Variants in DGKI observed in about 807,000 individuals in gnomAD.
DGKI encodes the protein DAG kinase iota.
DGKI carries 55 observed loss-of-function variants against 147.5 expected under a neutral mutation model. The observed-to-expected ratio is 0.37, with a 90% CI of 0.30 to 0.47. The LOEUF (loss-of-function observed/expected upper bound fraction) is 0.47. Ranked by LOEUF, DGKI falls within the 20% of genes least tolerant of loss-of-function variation. The probability of loss-of-function intolerance (pLI) is 1.00; values close to 1 mark genes in which losing one functional copy is unlikely to be tolerated. For missense variants in DGKI, 1,007 were observed against 1,323.8 expected (o/e 0.76, Z 3.71); for synonymous variants, 469 against 477.1 (o/e 0.98, Z 0.22).
At chr7:137,675,775 T>G (rs147567218) in intron 3 of DGKI, among the ~76,000 whole-genome samples, 2 of 149,048 alleles carry the variant, frequency 1.3e-5, no homozygotes, top group African/African-American at 2.5e-5. Context: ...GAAACAGGAG[T>G]GTGCATTGTT....
intron 1 of DGKI, among the ~76,000 whole-genome samples, chr7:137,759,064 A>G (rs1055432191): frequency 6.6e-6 from 1 of 152,124 alleles, no homozygotes; most frequent in African/African-American, 2.4e-5. Context: ...CATTACCCAA[A>G]CAGTGAACAT....
chr7:137,531,648 C>T (rs1339409011), intron 20 of DGKI, among the ~76,000 whole-genome samples: 2 of 152,160 alleles, frequency 1.3e-5, no homozygotes, highest in Non-Finnish European at 2.9e-5. Flanking sequence ...AGAGGGATCT[C>T]TTAAACTTAA....
intron 1 of DGKI, among the ~76,000 whole-genome samples, chr7:137,809,867 G>A (rs1160845863): frequency 1.3e-5 from 2 of 151,680 alleles, no homozygotes; most frequent in Non-Finnish European, 2.9e-5. Flanking sequence ...TCGCACCACT[G>A]CACTCTAGCC....
intron 23 of DGKI, among the ~76,000 whole-genome samples, chr7:137,471,894 T>C (rs1196538359): frequency 2.1e-5 from 3 of 145,616 alleles, no homozygotes; most frequent in Non-Finnish European, 4.5e-5. Flanking sequence ...ATATGTTACA[T>C]ATAGTCTCTC....
At chr7:137,777,077 T>C (rs191088030) in intron 1 of DGKI, among the ~76,000 whole-genome samples, 30 of 152,062 alleles carry the variant, frequency 2.0e-4, no homozygotes, top group Admixed American at 1.7e-3. Context: ...CCTGTAGTCC[T>C]AGCTAACCAG....
chr7:137,842,419 G>A (rs1585559373), intron 1 of DGKI, among the ~76,000 whole-genome samples: 1 of 152,128 alleles, frequency 6.6e-6, no homozygotes, highest in Non-Finnish European at 1.5e-5. Flanking sequence ...AATACTCCTT[G>A]CTCCTATTTC....
intron 1 of DGKI, among the ~76,000 whole-genome samples, chr7:137,826,720 G>T (rs1275041919): frequency 1.3e-5 from 2 of 152,112 alleles, no homozygotes; most frequent in African/African-American, 4.8e-5. Context: ...CAGGGGGAAG[G>T]GGGCGGCGGG....
chr7:137,415,408 G>A (rs78291874), intron 28 of DGKI, among the ~76,000 whole-genome samples: 1 of 152,100 alleles, frequency 6.6e-6, no homozygotes. Flanking sequence ...ATGTGCAAAG[G>A]CTATATGCAA....
chr7:137,662,774 T>TAAAGACA (rs1322315182), intron 3 of DGKI, among the ~76,000 whole-genome samples: 3 of 152,102 alleles, frequency 2.0e-5, no homozygotes, highest in African/African-American at 7.2e-5. Flanking sequence ...AGGCCTTCAT[T>TAAAGACA]TGTAAAGACT....
At chr7:137,480,595 TG>T (rs1284895858) in intron 23 of DGKI, among the ~76,000 whole-genome samples, 1 of 142,212 alleles carries the variant, frequency 7.0e-6, no homozygotes, top group Non-Finnish European at 1.5e-5. Flanking sequence ...ACCAAGAGGT[TG>T]TTTTTTTTTT....
At chr7:137,803,251 A>G (rs1797268712) in intron 1 of DGKI, among the ~76,000 whole-genome samples, 1 of 152,162 alleles carries the variant, frequency 6.6e-6, no homozygotes, top group Non-Finnish European at 1.5e-5. Flanking sequence ...TGGGTTGTAG[A>G]GAAGATGGAG....
chr7:137,455,716 C>G (rs1045757989), intron 27 of DGKI, among the ~76,000 whole-genome samples: 3 of 150,568 alleles, frequency 2.0e-5, no homozygotes, highest in Non-Finnish European at 4.4e-5. Flanking sequence ...GGAGATATCT[C>G]TTGTTCTGAT....
intron 1 of DGKI, among the ~76,000 whole-genome samples, chr7:137,723,695 AT>A (rs983762184): frequency 1.5e-5 from 2 of 132,388 alleles, no homozygotes; most frequent in Non-Finnish European, 3.2e-5. Context: ...GTATCATGAT[AT>A]CCCTTTTTTT....
intron 20 of DGKI, among the ~76,000 whole-genome samples, chr7:137,550,332 C>T (rs1468707217): frequency 6.6e-6 from 1 of 151,956 alleles, no homozygotes; most frequent in African/African-American, 2.4e-5. Flanking sequence ...CATGCCACCA[C>T]ACCTGTCTAA....
intron 1 of DGKI, among the ~76,000 whole-genome samples, chr7:137,747,910 G>C (rs1212627559): frequency 2.0e-5 from 3 of 152,168 alleles, no homozygotes; most frequent in Non-Finnish European, 2.9e-5. Flanking sequence ...TCCAGGACTT[G>C]TTATGGCAAC....
intron 1 of DGKI, among the ~76,000 whole-genome samples, chr7:137,717,570 T>C (rs1794417733): frequency 6.6e-6 from 1 of 152,252 alleles, no homozygotes; most frequent in Non-Finnish European, 1.5e-5. Context: ...CAGTAATGCC[T>C]ACACTATATA....
chr7:137,600,889 A>T (rs560733784), intron 10 of DGKI, among the ~76,000 whole-genome samples: 4 of 152,300 alleles, frequency 2.6e-5, no homozygotes, highest in African/African-American at 9.6e-5. Flanking sequence ...GGGGCATTTT[A>T]AGTAACTGTG....
intron 20 of DGKI, among the ~76,000 whole-genome samples, chr7:137,542,323 G>C (rs1354565854): frequency 6.6e-6 from 1 of 152,102 alleles, no homozygotes; most frequent in African/African-American, 2.4e-5. Context: ...ATGTTTATAG[G>C]AACTCTACTC....
intron 24 of DGKI, among the ~76,000 whole-genome samples, chr7:137,468,182 G>C (rs530220232): frequency 6.6e-6 from 1 of 152,198 alleles, no homozygotes; most frequent in South Asian, 2.1e-4. Flanking sequence ...ACAGAACTAA[G>C]AAACCAGCCA....
Sources: allele counts gnomAD v4.1 joint callset (sites outside exome capture counted in the v4.1 genomes callset), GRCh38; gene constraint gnomAD v4.1.1; transcripts MANE v1.5; gene names NCBI Gene and HGNC (gene_info 2026-07-23, HGNC 2026-07-21).